CCDC40: variants seen among roughly 807,000 people sequenced by gnomAD.
CCDC40 encodes coiled-coil domain-containing protein 40.
In CCDC40, 104 loss-of-function variants were observed where a neutral mutation model predicts 124.5. The ratio of observed to expected loss-of-function variants is 0.84; its 90% confidence interval spans 0.71 to 0.98. The LOEUF (loss-of-function observed/expected upper bound fraction) is 0.98. CCDC40 is among the 50% of genes least tolerant of loss of function. CCDC40 has a pLI of 0.00. For missense variants in CCDC40, 1,463 were observed against 1,503.9 expected, an observed-to-expected ratio of 0.97 and a Z score of 0.45; for synonymous variants, 580 against 602.9, an observed-to-expected ratio of 0.96 and a Z score of 0.56.
intron 9 of CCDC40, 41 bp downstream of exon 9, chr17:80,059,021 G>T: frequency 6.2e-7 from 1 of 1,613,724 alleles, no homozygotes; most frequent in South Asian, 1.1e-5. Context: ...CGACCCTCCA[G>T]TGAGTGTCCA....
intron 10 of CCDC40, among the ~76,000 whole-genome samples, chr17:80,068,226 G>A (rs920832973): frequency 6.6e-6 from 1 of 152,148 alleles, no homozygotes; most frequent in Non-Finnish European, 1.5e-5. Context: ...TAGAGACGGG[G>A]TTTCACCATG....
At chr17:80,059,544 G>A (rs2037845074) in intron 9 of CCDC40, among the ~76,000 whole-genome samples, 1 of 147,034 alleles carries the variant, frequency 6.8e-6, no homozygotes, top group African/African-American at 2.6e-5. Flanking sequence ...GTGCGGGAAT[G>A]ACACGGAGGA....
At chr17:80,076,578 CAAAAA>C (rs55997385) in intron 10 of CCDC40, among the ~76,000 whole-genome samples, 1 of 120,946 alleles carries the variant, frequency 8.3e-6, no homozygotes. Context: ...GAGCCTGTCT[CAAAAA>C]AAAAAAAAAA....
At chr17:80,039,732 T>C (rs2037223644) in intron 2 of CCDC40, 80 bp from the exon 3 acceptor site, 10 of 1,534,964 alleles carry the variant, frequency 6.5e-6, no homozygotes, top group Non-Finnish European at 8.8e-6. Context: ...CCCATTGATA[T>C]AATTACACTA....
chr17:80,053,215 A>G (rs1331272539), intron 7 of CCDC40, among the ~76,000 whole-genome samples: 1 of 152,228 alleles, frequency 6.6e-6, no homozygotes, highest in Non-Finnish European at 1.5e-5. Flanking sequence ...GCTGAAAGAG[A>G]AAATAAACCT....
intron 1 of CCDC40, among the ~76,000 whole-genome samples, chr17:80,037,510 GGTGT>G (rs1188949745): frequency 1.3e-5 from 2 of 150,924 alleles, no homozygotes; most frequent in Non-Finnish European, 3.0e-5. Flanking sequence ...TCTAATTCAG[GGTGT>G]GTGTGTGTGT....
At position 80,041,100 on chromosome 17, in the gene CCDC40, T is replaced by C. The variant is rs2037268726; in HGVS notation, c.552+830T>C. ...AGTTACAGAAAAAAATGGAGTACAA[T>C]AAAAAGGATCTTTTATTTTCTTAAA... On this transcript the variant is annotated intron_variant, in intron 3 of 19. Coordinates refer to ENST00000397545, the MANE Select transcript of CCDC40 (RefSeq NM_017950.4). 2.6e-5 allele frequency among the ~76,000 whole-genome samples: 4 copies of C among 152,292 alleles called. No individual in the cohort carries two copies. The South Asian group carries it at 8.3e-4, about 32-fold the overall frequency.
In CCDC40 at chr17:80,097,098, C is replaced by T. The variant is rs59951437; in HGVS notation, c.3022-147C>T. 2.4e-4 allele frequency: 212 copies of T among 872,726 alleles called. 1 individual carries two copies. The African/African-American group carries it at 2.8e-3, about 12-fold the overall frequency. 54.1% of individuals were successfully genotyped at this position (872,726 alleles called of 1,614,324 possible). A position where few individuals can be genotyped will look rare whatever the true frequency, so the allele number is the denominator to read the frequency against. On this transcript the variant is annotated intron_variant, in intron 18 of 19. Coordinates refer to ENST00000397545, the MANE Select transcript of CCDC40 (RefSeq NM_017950.4). ...GCTGGGCCTGGCATCTCCCAGGCCT[C>T]GCCTCTCCAGCCCTCCCATTCCTCT...
intron 17 of CCDC40, 59 bp downstream of exon 17, chr17:80,089,943 G>A: frequency 6.2e-7 from 1 of 1,603,250 alleles, no homozygotes. Context: ...GGGCTCTGGA[G>A]ACCTGGCCAC....
At position 80,087,040 on chromosome 17, in the gene CCDC40, C is replaced by T. The variant is rs1416612010; in HGVS notation, c.2450-567C>T. On this transcript the variant is annotated intron_variant, in intron 14 of 19. Transcript: ENST00000397545. This position sits in a 1 kb window ranked among gnomAD's most constrained non-coding sequence, Gnocchi z 4.5. ...AGAGAGGGGCTCACATGCCCATGTCCTGGGGTAGTCAGGGCACACCATGGG... is the reference window on the plus strand; with the variant it reads ...AGAGAGGGGCTCACATGCCCATGTCTTGGGGTAGTCAGGGCACACCATGGG... 1.1e-5 allele frequency: 2 copies of T among 190,222 alleles called. No homozygotes were observed. Among genetic ancestry groups the T allele is most frequent in the Non-Finnish European group, 2.2e-5 (2 of 89,602 alleles). 11.8% of individuals were successfully genotyped at this position (190,222 alleles called of 1,614,324 possible).
chr17:80,044,704 A>ATATATATATATATATATATATATAT (rs1485851817), intron 3 of CCDC40, among the ~76,000 whole-genome samples: 2 of 37,212 alleles, frequency 5.4e-5, no homozygotes, highest in African/African-American at 7.9e-5. Context: ...AAAACAAACA[A>ATATATATATATATATATATATATAT]ACAAAAAAAA....
intron 9 of CCDC40, 129 bp downstream of exon 9, chr17:80,059,109 C>T: frequency 8.3e-7 from 1 of 1,208,064 alleles, no homozygotes; most frequent in African/African-American, 1.5e-5. Context: ...CTTACATCTG[C>T]AAACATCGGG....
chr17:80,095,161 T>C (rs1456200617), intron 17 of CCDC40, 102 bp from the exon 18 acceptor site: 1 of 1,081,908 alleles, frequency 9.2e-7, no homozygotes, highest in Non-Finnish European at 1.4e-6. Context: ...CCGATCCCCA[T>C]GCGTGTCACC....
In CCDC40 at chr17:80,087,492, T is replaced by G; in HGVS notation, c.2450-115T>G. The G allele has an allele frequency of 1.3e-6, 1 of 775,530 alleles. No homozygotes were observed. Among genetic ancestry groups the G allele is most frequent in the Non-Finnish European group, 2.3e-6 (1 of 440,316 alleles). The allele number at this position is 775,530 out of a possible 1,614,324, so 48.0% of individuals were successfully genotyped here. A position where few individuals can be genotyped will look rare whatever the true frequency, so the allele number is the denominator to read the frequency against. On this transcript the variant is annotated intron_variant, in intron 14 of 19. Coordinates refer to ENST00000397545, the MANE Select transcript of CCDC40 (RefSeq NM_017950.4). The surrounding 1 kb of genome is among the most constrained non-coding windows in gnomAD (Gnocchi z 4.5). ...GCCAGGAACGACAAGAGGGAGGGGA[T>G]GAAGGGAGCTACAGGGAGAGACAAA...
Position 80,090,243 on chromosome 17 carries a change from A to C in CCDC40, c.2832+359A>C. 17 of 875,148 alleles carry C rather than the reference A, an allele frequency of 1.9e-5. 1 individual carries two copies. The highest frequency in any genetic ancestry group is 8.3e-5 in the South Asian group (4 of 48,312). 54.2% of individuals were successfully genotyped at this position (875,148 alleles called of 1,614,324 possible). Reference sequence around the variant, plus strand: ...ACACGGGACGCGCGCAGGCACGTGCACGAACAACACGGGACGCGCGCGGGC... The same window carrying C: ...ACACGGGACGCGCGCAGGCACGTGCCCGAACAACACGGGACGCGCGCGGGC... On this transcript the variant is annotated intron_variant, in intron 17 of 19. Transcript: ENST00000397545.
At chr17:80,096,847 C>G (rs1598555598) in intron 18 of CCDC40, among the ~76,000 whole-genome samples, 1 of 152,208 alleles carries the variant, frequency 6.6e-6, no homozygotes, top group African/African-American at 2.4e-5. Flanking sequence ...ACAGATGGCC[C>G]CAGCCTCGCT....
chr17:80,056,615 G>C (rs939608380), intron 7 of CCDC40, among the ~76,000 whole-genome samples: 2 of 151,848 alleles, frequency 1.3e-5, no homozygotes, highest in Non-Finnish European at 2.9e-5. Flanking sequence ...CCCTGTCTCA[G>C]AAAACAACAA....
At chr17:80,063,597 T>G (rs1053409864) in intron 9 of CCDC40, among the ~76,000 whole-genome samples, 2 of 152,150 alleles carry the variant, frequency 1.3e-5, no homozygotes, top group Non-Finnish European at 2.9e-5. Context: ...GCAGCCTCCT[T>G]AGTGAATAAC....
intron 7 of CCDC40, among the ~76,000 whole-genome samples, chr17:80,054,812 A>G (rs1019819848): frequency 5.9e-5 from 9 of 152,066 alleles, no homozygotes; most frequent in African/African-American, 9.7e-5. Context: ...TGTTTCTACT[A>G]AAAGTACAAA....
Sources: gnomAD v4.1 joint callset for allele counts (sites outside exome capture counted in the v4.1 genomes callset) on GRCh38, gnomAD v4.1.1 for gene constraint, Gnocchi (gnomAD v3.1) non-coding constraint, MANE v1.5 for transcripts, NCBI Gene and HGNC (gene_info 2026-07-23, HGNC 2026-07-21) for gene names.